Variants in PCDHGA4 observed in about 807,000 individuals in gnomAD.
PCDHGA4 encodes the protein protocadherin gamma-A4.
PCDHGA4 carries 38 observed loss-of-function variants against 54.6 expected under a neutral mutation model. That is an observed-to-expected ratio of 0.70 (90% CI 0.54 to 0.91). The LOEUF (loss-of-function observed/expected upper bound fraction) is 0.91, where lower values mean the gene tolerates loss of function less well. Ranked by LOEUF, PCDHGA4 falls within the 40% of genes least tolerant of loss-of-function variation. The pLI, the probability that PCDHGA4 is intolerant of heterozygous loss-of-function variation, is 0.00. For synonymous variants in PCDHGA4, 511 were observed against 512.9 expected (o/e 1.00, Z 0.05); for missense variants, 1,298 against 1,220.9 (o/e 1.06, Z -0.94).
intron 1 of PCDHGA4, chr5:141,395,337 T>G (rs1265011600): frequency 7.0e-7 from 1 of 1,433,514 alleles, no homozygotes; most frequent in African/African-American, 1.4e-5. Context: ...AAATAATTTT[T>G]AAGGTGTATC....
At chr5:141,494,938 G>A in intron 2 of PCDHGA4, 73 bp downstream of exon 2, 1 of 1,611,916 alleles carries the variant, frequency 6.2e-7, no homozygotes, top group South Asian at 1.1e-5. Context: ...AGGAGATGGG[G>A]GAGGGCCCAG....
intron 1 of PCDHGA4, among the ~76,000 whole-genome samples, chr5:141,430,322 C>G (rs1266324669): frequency 6.7e-6 from 1 of 150,364 alleles, no homozygotes; most frequent in Non-Finnish European, 1.5e-5. Flanking sequence ...AGATTAAAAT[C>G]ATTGTTTATA....
chr5:141,379,118 C>G (rs180933858), intron 1 of PCDHGA4: 2 of 152,296 alleles, frequency 1.3e-5, no homozygotes, highest in Admixed American at 1.3e-4. Flanking sequence ...GAGAAGATAC[C>G]TTGAAAATAA....
chr5:141,405,056 T>A (rs770920034), intron 1 of PCDHGA4: 8 of 1,613,836 alleles, frequency 5.0e-6, no homozygotes, highest in Non-Finnish European at 6.8e-6. Context: ...AGTCGTCTCC[T>A]GTGTCTTCCT....
At chr5:141,394,486 A>G (rs1446259630) in intron 1 of PCDHGA4, 2 of 1,613,980 alleles carry the variant, frequency 1.2e-6, no homozygotes, top group Non-Finnish European at 8.5e-7. Flanking sequence ...CAGAATGACA[A>G]CGCGCCCGAG....
At chr5:141,371,563 T>C in intron 1 of PCDHGA4, 2 of 1,613,806 alleles carry the variant, frequency 1.2e-6, no homozygotes, top group Non-Finnish European at 1.7e-6. Flanking sequence ...AAAGGAAACT[T>C]CCCCTTTAAA....
chr5:141,434,889 A>C (rs1213631251), intron 1 of PCDHGA4, among the ~76,000 whole-genome samples: 2 of 151,512 alleles, frequency 1.3e-5, no homozygotes, highest in African/African-American at 4.8e-5. Context: ...ACAACAATCC[A>C]GTCCCCTTCC....
intron 1 of PCDHGA4, chr5:141,478,628 T>G (rs1245431927): frequency 6.4e-7 from 1 of 1,553,704 alleles, no homozygotes; most frequent in African/African-American, 1.4e-5. Context: ...GAGCTGTTTT[T>G]TTAGTGATGA....
At chr5:141,425,110 C>T (rs1335909720) in intron 1 of PCDHGA4, among the ~76,000 whole-genome samples, 1 of 152,166 alleles carries the variant, frequency 6.6e-6, no homozygotes, top group East Asian at 1.9e-4. Context: ...CAGATGCCTA[C>T]ATTTTTCTTG....
At chr5:141,390,223 G>T (rs137959577) in intron 1 of PCDHGA4, 3 of 1,614,020 alleles carry the variant, frequency 1.9e-6, no homozygotes, top group East Asian at 2.2e-5. Context: ...ATACTTTGCG[G>T]TGATTCATCT....
At chr5:141,415,574 A>G (rs1168111069) in intron 1 of PCDHGA4, 3 of 1,614,066 alleles carry the variant, frequency 1.9e-6, no homozygotes, top group Non-Finnish European at 8.5e-7. Flanking sequence ...TTGTTAGATG[A>G]TTCGAAGTTT....
At chr5:141,389,161 G>A (rs2091630816) in intron 1 of PCDHGA4, 1 of 1,613,878 alleles carries the variant, frequency 6.2e-7, no homozygotes, top group African/African-American at 1.3e-5. Flanking sequence ...ACAGATCGGG[G>A]CAAGCCTCCC....
chr5:141,409,188 C>T lies in PCDHGA4; in HGVS notation c.2514+51567C>T, dbSNP rs1487313582. ...GCGAAGGACGGAGGTGGTCTCTCTA[C>T]CCAGTGTAAAGTAATCATAGAAATC... On this transcript the variant is annotated intron_variant, in intron 1 of 3. Transcript: ENST00000571252. 9 of 1,613,880 alleles carry T rather than the reference C, an allele frequency of 5.6e-6. No homozygotes were observed. In the Admixed American group the frequency reaches 8.3e-5, roughly 15 times the overall value.
At chr5:141,413,979 C>T in intron 1 of PCDHGA4, 1 of 1,613,394 alleles carries the variant, frequency 6.2e-7, no homozygotes, top group Non-Finnish European at 8.5e-7. Flanking sequence ...TGCTGACAGT[C>T]ACAGCCACCG....
At chr5:141,376,066 C>G in intron 1 of PCDHGA4, 1 of 1,613,396 alleles carries the variant, frequency 6.2e-7, no homozygotes, top group Non-Finnish European at 8.5e-7. Context: ...TCACGCTCAC[C>G]GTGGCCGTGG....
rs755091154 is a variant in PCDHGA4 at position 141,402,943 on chromosome 5, C to T, written c.2514+45322C>T. The stretch of plus-strand genomic sequence containing the variant: ...AGATCCTTTTGAGAAAATTCCAAAG[C>T]GAGGCAGCAATGGCAGCTCCAACCA... On this transcript the variant is annotated intron_variant, in intron 1 of 3. Transcript: ENST00000571252. 1.1e-5 allele frequency: 17 copies of T among 1,590,762 alleles called. No individual in the cohort carries two copies. The African/African-American group carries it at 2.0e-4, about 19-fold the overall frequency.
intron 1 of PCDHGA4, chr5:141,478,905 G>T (rs1593970684): frequency 1.1e-6 from 1 of 930,214 alleles, no homozygotes; most frequent in East Asian, 2.7e-5. Flanking sequence ...GGAATAAGCT[G>T]CTGGATACCT....
intron 2 of PCDHGA4, among the ~76,000 whole-genome samples, chr5:141,500,189 TTTATTTA>T (rs1562193869): frequency 4.5e-5 from 5 of 110,894 alleles, no homozygotes; most frequent in African/African-American, 1.8e-4. Context: ...TTTATTTTTA[TTTATTTA>T]TTTATTTATT....
intron 1 of PCDHGA4, among the ~76,000 whole-genome samples, chr5:141,463,505 G>A (rs1213601894): frequency 7.3e-6 from 1 of 137,472 alleles, no homozygotes; most frequent in Non-Finnish European, 1.5e-5. Flanking sequence ...CTGGAGTGAC[G>A]TGGCGTGATC....
Sources: gnomAD v4.1 joint callset for allele counts (sites outside exome capture counted in the v4.1 genomes callset) on GRCh38, gnomAD v4.1.1 for gene constraint, MANE v1.5 for transcripts, NCBI Gene and HGNC (gene_info 2026-07-23, HGNC 2026-07-21) for gene names.